Variants in PAIP2 observed in about 807,000 individuals in gnomAD.
PAIP2 encodes the protein poly(A) binding protein interacting protein 2, also known as polyadenylate-binding protein-interacting protein 2.
Under a neutral mutation model 14.8 loss-of-function variants are expected in PAIP2, and 7 were observed. The observed-to-expected ratio is 0.47, with a 90% CI of 0.27 to 0.89. The LOEUF (loss-of-function observed/expected upper bound fraction) is 0.89. Among genes scored for constraint, PAIP2 ranks in the 40% least tolerant of loss-of-function variants. PAIP2 has a pLI of 0.13. For synonymous variants in PAIP2, 47 were observed against 45.3 expected (o/e 1.04, Z -0.15); for missense variants, 122 against 154.7 (o/e 0.79, Z 1.12).
chr5:139,360,749 C>T (rs899568475), intron 1 of PAIP2, among the ~76,000 whole-genome samples: 1 of 151,306 alleles, frequency 6.6e-6, no homozygotes, highest in Admixed American at 6.6e-5. Context: ...AGGCATGAGC[C>T]GCACCCAGTT....
At chr5:139,357,182 G>C (rs766459650) in intron 1 of PAIP2, among the ~76,000 whole-genome samples, 7 of 152,206 alleles carry the variant, frequency 4.6e-5, no homozygotes. Context: ...ACCTTCAACA[G>C]CTCTGCCTTT....
intron 1 of PAIP2, among the ~76,000 whole-genome samples, chr5:139,351,565 T>C (rs1756735418): frequency 1.3e-5 from 2 of 152,248 alleles, no homozygotes; most frequent in African/African-American, 4.8e-5. Context: ...GCTGTTAACA[T>C]TGATGAATTA....
At chr5:139,366,723 T>C (rs138964163) in intron 3 of PAIP2, among the ~76,000 whole-genome samples, 2 of 152,326 alleles carry the variant, frequency 1.3e-5, no homozygotes, top group African/African-American at 4.8e-5. Context: ...CTATTTGATA[T>C]TACTTTGTTT....
intron 1 of PAIP2, among the ~76,000 whole-genome samples, chr5:139,346,868 T>G (rs1480619886): frequency 1.4e-5 from 2 of 140,840 alleles, no homozygotes; most frequent in African/African-American, 5.3e-5. Flanking sequence ...CAGGCTGGAA[T>G]GCACCATCTC....
chr5:139,342,663 T>A (rs922524129), intron 1 of PAIP2: 1 of 152,204 alleles, frequency 6.6e-6, no homozygotes, highest in African/African-American at 2.4e-5. Flanking sequence ...AGATGAACTT[T>A]AAGGTCCTCT....
rs1757464898 is a variant in PAIP2 at position 139,368,785 on chromosome 5, A to T, written c.371A>T (p.Tyr124Phe). The T allele has an allele frequency of 6.2e-7, 1 of 1,612,482 alleles. No homozygotes were observed. The highest frequency in any genetic ancestry group is 8.5e-7 in the Non-Finnish European group (1 of 1,178,676). The change falls in exon 4 of 4, where the codon TAC becomes TTC. Residue 124 changes from tyrosine (Y) to phenylalanine (F), a missense_variant. Physicochemically the swap from Tyr to Phe is conservative, Grantham distance 22. Transcript: ENST00000265192. Reference protein sequence around the residue: ...NAKEFVPGVKYGNI With the variant: ...NAKEFVPGVKFGNI ...AAGGAGTTTGTTCCTGGGGTGAAGTACGGAAATATTTGAGTAGACGGGGCC... is the reference window on the plus strand; with the variant it reads ...AAGGAGTTTGTTCCTGGGGTGAAGTTCGGAAATATTTGAGTAGACGGGGCC...
intron 1 of PAIP2, among the ~76,000 whole-genome samples, chr5:139,356,728 A>G (rs529221627): frequency 2.6e-5 from 4 of 151,680 alleles, no homozygotes; most frequent in Non-Finnish European, 4.4e-5. Context: ...TACTAAAAGT[A>G]TACAGAAAAT....
chr5:139,355,863 T>C (rs1756893721), intron 1 of PAIP2, among the ~76,000 whole-genome samples: 1 of 147,470 alleles, frequency 6.8e-6, no homozygotes, highest in South Asian at 2.1e-4. Context: ...TCTCAAAAAA[T>C]AAATAGGCTG....
intron 1 of PAIP2, among the ~76,000 whole-genome samples, chr5:139,344,695 G>A (rs1274894560): frequency 1.3e-5 from 2 of 152,076 alleles, no homozygotes; most frequent in Non-Finnish European, 2.9e-5. Context: ...ATGTACTTGA[G>A]CTTTTATCAG....
intron 2 of PAIP2, among the ~76,000 whole-genome samples, chr5:139,364,333 G>T (rs918099053): frequency 6.6e-6 from 1 of 152,066 alleles, no homozygotes; most frequent in Admixed American, 6.6e-5. Flanking sequence ...CTTCTTCCCT[G>T]CCACCCTCAA....
chr5:139,343,557 A>G (rs557445998), intron 1 of PAIP2, among the ~76,000 whole-genome samples: 7 of 152,310 alleles, frequency 4.6e-5, no homozygotes, highest in African/African-American at 1.7e-4. Flanking sequence ...TAGCACAGCA[A>G]TTTGGTTGAT....
At chr5:139,354,354 C>T (rs928743822) in intron 1 of PAIP2, among the ~76,000 whole-genome samples, 1 of 151,994 alleles carries the variant, frequency 6.6e-6, no homozygotes, top group African/African-American at 2.4e-5. Flanking sequence ...ACCTTCTGAC[C>T]TCCATGGTTT....
chr5:139,358,517 G>A lies in PAIP2; in HGVS notation c.-26-5242G>A, dbSNP rs377153187. ...GACTGACTAGCATTGAACACATTGGGTATATATTCAAGAGAACTGAAAACG... is the reference window on the plus strand; with the variant it reads ...GACTGACTAGCATTGAACACATTGGATATATATTCAAGAGAACTGAAAACG... On this transcript the variant is annotated intron_variant, in intron 1 of 3. Transcript: ENST00000265192. Among the ~76,000 whole-genome samples the A allele has an allele frequency of 7.9e-5, 12 of 151,106 alleles. No homozygotes were observed. The East Asian group carries it at 1.6e-3, about 20-fold the overall frequency.
intron 1 of PAIP2, among the ~76,000 whole-genome samples, chr5:139,361,944 A>G (rs1044860220): frequency 1.3e-5 from 2 of 151,496 alleles, no homozygotes; most frequent in African/African-American, 4.8e-5. Flanking sequence ...TCAAAAAAAA[A>G]AAAAAAAAAA....
intron 3 of PAIP2, chr5:139,367,547 G>GT (rs1387465281): frequency 6.6e-6 from 1 of 151,778 alleles, no homozygotes; most frequent in East Asian, 1.9e-4. Context: ...TTACACAGAA[G>GT]TTAGTTAGGG....
intron 1 of PAIP2, among the ~76,000 whole-genome samples, chr5:139,345,680 T>A (rs1048364487): frequency 5.3e-5 from 8 of 150,172 alleles, no homozygotes; most frequent in Non-Finnish European, 7.4e-5. Flanking sequence ...CAGGCCTGAG[T>A]GCAGTGGCAT....
intron 1 of PAIP2, among the ~76,000 whole-genome samples, chr5:139,355,315 A>C (rs1756875361): frequency 6.6e-6 from 1 of 151,470 alleles, no homozygotes; most frequent in South Asian, 2.1e-4. Context: ...GATTACAGGC[A>C]TGCACCCCCA....
intron 1 of PAIP2, among the ~76,000 whole-genome samples, chr5:139,356,080 A>G (rs974762132): frequency 7.7e-5 from 11 of 143,268 alleles, no homozygotes; most frequent in Admixed American, 1.4e-4. Flanking sequence ...AGAAATTGCA[A>G]TGAGCTGAGA....
intron 1 of PAIP2, among the ~76,000 whole-genome samples, chr5:139,357,418 T>G (rs1756947416): frequency 6.6e-6 from 1 of 152,210 alleles, no homozygotes; most frequent in African/African-American, 2.4e-5. Context: ...TGCTACTATA[T>G]TTACCCTTAA....
Sources: allele counts gnomAD v4.1 joint callset (sites outside exome capture counted in the v4.1 genomes callset), GRCh38; gene constraint gnomAD v4.1.1; transcripts MANE v1.5; gene names NCBI Gene and HGNC (gene_info 2026-07-23, HGNC 2026-07-21).